MAT1A: variants seen among roughly 807,000 people sequenced by gnomAD.
MAT1A encodes the protein S-adenosylmethionine synthase isoform type-1.
Under a neutral mutation model 44.0 loss-of-function variants are expected in MAT1A, and 19 were observed. That is an observed-to-expected ratio of 0.43 (90% CI 0.30 to 0.63). The LOEUF (loss-of-function observed/expected upper bound fraction) is 0.63. Among genes scored for constraint, MAT1A ranks in the 30% least tolerant of loss-of-function variants. The pLI is 0.12. For missense variants in MAT1A, 397 were observed against 531.0 expected (o/e 0.75, Z 2.48); for synonymous variants, 205 against 205.6 (o/e 1.00, Z 0.03).
chr10:80,280,812 G>T lies in MAT1A; in HGVS notation c.293-20C>A. ...CAAAGCCTAGGCGGAAGCAAAGTGA[G>T]CCTAAGTGGGGAACAGGTCAGAAGG... On this transcript the variant is annotated intron_variant, in intron 3 of 8. Coordinates refer to ENST00000372213, the MANE Select transcript of MAT1A (RefSeq NM_000429.3). 1 of 1,577,294 alleles carries T rather than the reference G, an allele frequency of 6.3e-7. No individual in the cohort carries two copies. Among genetic ancestry groups the T allele is most frequent in the Non-Finnish European group, 8.7e-7 (1 of 1,146,346 alleles).
At chr10:80,280,890 T>C in intron 3 of MAT1A, 98 bp from the exon 4 acceptor site, 1 of 885,600 alleles carries the variant, frequency 1.1e-6, no homozygotes, top group South Asian at 1.3e-5. Flanking sequence ...TGCCATTTGG[T>C]GTCAGCGTGG....
At chr10:80,282,424 G>A (rs187458256) in intron 3 of MAT1A, among the ~76,000 whole-genome samples, 4 of 152,208 alleles carry the variant, frequency 2.6e-5, no homozygotes, top group African/African-American at 7.2e-5. Flanking sequence ...ACTCAGCCAC[G>A]GCTGGGCTCT....
In MAT1A at chr10:80,289,334, C is replaced by G; in HGVS notation, c.90G>C (p.Pro30=). Residue 30 remains proline (P), a splice_region_variant and synonymous_variant, in exon 1 of 9, where the codon CCG becomes CCC. Coordinates refer to ENST00000372213, the MANE Select transcript of MAT1A (RefSeq NM_000429.3). Reference sequence around the variant, plus strand: ...GTCAGTCCAAGACAGCCTACTTACCCGGGTGTCCCTCTCCCACAGACTCCG... The same window carrying G: ...GTCAGTCCAAGACAGCCTACTTACCGGGGTGTCCCTCTCCCACAGACTCCG... ...FTSESVGEGH[P]DKICDQISDA... is the part of the protein sequence containing the mutation. 6.2e-7 allele frequency: 1 copy of G among 1,613,718 alleles called. No homozygotes were observed. The highest frequency in any genetic ancestry group is 8.5e-7 in the Non-Finnish European group (1 of 1,179,634).
At chr10:80,275,233 A>C (rs1356718889) in intron 6 of MAT1A, 34 bp from the exon 7 acceptor site, 1 of 1,588,576 alleles carries the variant, frequency 6.3e-7, no homozygotes, top group Non-Finnish European at 8.6e-7. Context: ...TAAGAAGCAG[A>C]GCCAGCCCCT....
chr10:80,284,922 A>G (rs1192369882), intron 2 of MAT1A, among the ~76,000 whole-genome samples: 1 of 152,262 alleles, frequency 6.6e-6, no homozygotes, highest in Non-Finnish European at 1.5e-5. Context: ...GGGCTTCAGT[A>G]CTTTAGTTTA....
intron 4 of MAT1A, among the ~76,000 whole-genome samples, 163 bp downstream of exon 4, chr10:80,280,517 A>G (rs1376878242): frequency 6.6e-6 from 1 of 152,142 alleles, no homozygotes. Context: ...ACCCAGTGTC[A>G]GCAACCACAG....
chr10:80,276,437 AGGTACTTGGCC>A lies in MAT1A; in HGVS notation c.696_706del (p.Ala233GlyfsTer29). 1 of 1,614,172 alleles carries A rather than the reference AGGTACTTGGCC, an allele frequency of 6.2e-7. No homozygotes were observed. The highest frequency in any genetic ancestry group is 2.2e-5 in the East Asian group (1 of 44,880). On this transcript the variant is annotated frameshift_variant, in exon 6 of 9. Coordinates refer to ENST00000372213, the MANE Select transcript of MAT1A (RefSeq NM_000429.3). LOFTEE classifies it high-confidence loss of function. ...CAGGTGGTAGACGGTGTCTTCGTCC[AGGTACTTGGCC>A]GGCACCACGGCCCTGATGACTTGCT...
At chr10:80,283,714 G>A (rs1219560400) in intron 3 of MAT1A, among the ~76,000 whole-genome samples, 1 of 152,268 alleles carries the variant, frequency 6.6e-6, no homozygotes, top group East Asian at 1.9e-4. Flanking sequence ...GGCATGTGCT[G>A]GGCCCACTGG....
chr10:80,286,923 G>C (rs140385185), intron 1 of MAT1A, among the ~76,000 whole-genome samples: 1 of 152,318 alleles, frequency 6.6e-6, no homozygotes, highest in East Asian at 1.9e-4. Context: ...ACATATGTTT[G>C]AGGTTGTGTT....
At chr10:80,288,258 C>G (rs1244130625) in intron 1 of MAT1A, among the ~76,000 whole-genome samples, 1 of 152,182 alleles carries the variant, frequency 6.6e-6, no homozygotes, top group Non-Finnish European at 1.5e-5. Context: ...CATCTATCCC[C>G]CAGGGGTCTC....
Position 80,275,013 on chromosome 10 carries a change from T to C in MAT1A, c.951+4A>G, listed in dbSNP as rs1348613862. 3.9e-6 allele frequency: 6 copies of C among 1,550,958 alleles called. No homozygotes were observed. The highest frequency in any genetic ancestry group is 4.9e-5 in the East Asian group (2 of 41,036). On this transcript the variant is annotated splice_donor_region_variant and intron_variant, in intron 7 of 8. Coordinates refer to ENST00000372213, the MANE Select transcript of MAT1A (RefSeq NM_000429.3). The stretch of plus-strand genomic sequence containing the variant: ...CAGGACGGTGGTGGGTGGAGGGGGC[T>C]TACCTGGACAAGCACTCTCCGGCAG...
chr10:80,279,519 C>T (rs1738104992), intron 5 of MAT1A, among the ~76,000 whole-genome samples: 2 of 151,950 alleles, frequency 1.3e-5, no homozygotes, highest in Non-Finnish European at 2.9e-5. Context: ...CATGAGAGGG[C>T]TCATTGGGGT....
At chr10:80,276,310 C>T in intron 6 of MAT1A, 66 bp downstream of exon 6, 2 of 1,531,638 alleles carry the variant, frequency 1.3e-6, no homozygotes, top group Non-Finnish European at 1.8e-6. Flanking sequence ...GGTTTTCCTG[C>T]TCTGAGACAT....
At chr10:80,276,834 C>T (rs563046994) in intron 5 of MAT1A, among the ~76,000 whole-genome samples, 33 of 152,364 alleles carry the variant, frequency 2.2e-4, no homozygotes, top group Middle Eastern at 3.4e-3. Context: ...ACAATTAGCA[C>T]TGCTTGGAGA....
Position 80,276,459 on chromosome 10 carries a change from C to G in MAT1A, c.685G>C (p.Ala229Pro). The change falls in exon 6 of 9, where the codon GCC (alanine) becomes CCC (proline). Residue 229 changes from alanine to proline, a missense_variant. Transcript: ENST00000372213. ...RRALKEQVIR[A>P]VVPAKYLDED... ...TCCAGGTACTTGGCCGGCACCACGG[C>G]CCTGATGACTTGCTCCTTCAGGGCC... 1 of 1,614,192 alleles carries G rather than the reference C, an allele frequency of 6.2e-7. No individual in the cohort carries two copies. Among genetic ancestry groups the G allele is most frequent in the Non-Finnish European group, 8.5e-7 (1 of 1,180,040 alleles).
rs202175739 is a variant in MAT1A, at chr10:80,276,462, T to C, written c.682A>G (p.Arg228Gly). ...AGGTACTTGGCCGGCACCACGGCCC[T>C]GATGACTTGCTCCTTCAGGGCCCTG... ...MRRALKEQVI[R>G]AVVPAKYLDE... Residue 228 changes from arginine (R) to glycine (G), a missense_variant, in exon 6 of 9, where the codon AGG becomes GGG. Arg to Gly is a moderately radical substitution (Grantham distance 125, BLOSUM62 -2). Transcript: ENST00000372213. The C allele has an allele frequency of 2.5e-6, 4 of 1,614,066 alleles. No individual in the cohort carries two copies. Among genetic ancestry groups the C allele is most frequent in the Non-Finnish European group, 3.4e-6 (4 of 1,180,052 alleles).
Position 80,283,915 on chromosome 10 carries a change from C to T in MAT1A, c.292+1G>A. 6.2e-7 allele frequency: 1 copy of T among 1,614,098 alleles called. No homozygotes were observed. The highest frequency in any genetic ancestry group is 8.5e-7 in the Non-Finnish European group (1 of 1,180,046). The stretch of plus-strand genomic sequence containing the variant: ...TTTCAGACCCGGAGGCCTGCCCTCA[C>T]CCTTGGCTGAGTCATCGTAGCCGAT... On this transcript the variant is annotated splice_donor_variant, in intron 3 of 8. Transcript: ENST00000372213. LOFTEE classifies it high-confidence loss of function.
At position 80,280,812 on chromosome 10, in the gene MAT1A, G is replaced by A. The variant is rs367980533; in HGVS notation, c.293-20C>T. On this transcript the variant is annotated intron_variant, in intron 3 of 8. Transcript: ENST00000372213. ...CAAAGCCTAGGCGGAAGCAAAGTGAGCCTAAGTGGGGAACAGGTCAGAAGG... is the reference window on the plus strand; with the variant it reads ...CAAAGCCTAGGCGGAAGCAAAGTGAACCTAAGTGGGGAACAGGTCAGAAGG... 2.3e-5 allele frequency: 36 copies of A among 1,577,180 alleles called. No homozygotes were observed. The highest frequency in any genetic ancestry group is 1.7e-4 in the Middle Eastern group (1 of 6,028).
At chr10:80,280,836 G>T in intron 3 of MAT1A, 44 bp from the exon 4 acceptor site, 1 of 1,422,312 alleles carries the variant, frequency 7.0e-7, no homozygotes, top group East Asian at 2.3e-5. Context: ...CAGGTCAGAA[G>T]GAGGGGGCCA....
Sources: allele counts gnomAD v4.1 joint callset (sites outside exome capture counted in the v4.1 genomes callset), GRCh38; gene constraint gnomAD v4.1.1; transcripts MANE v1.5; gene names NCBI Gene and HGNC (gene_info 2026-07-23, HGNC 2026-07-21).